Variants in THAP4 observed in about 807,000 individuals in gnomAD.
The protein encoded by THAP4 is peroxynitrite isomerase THAP4.
Under a neutral mutation model 48.1 loss-of-function variants are expected in THAP4, and 18 were observed. That is an observed-to-expected ratio of 0.37 (90% CI 0.26 to 0.56). The LOEUF (loss-of-function observed/expected upper bound fraction) is 0.56. Among genes scored for constraint, THAP4 ranks in the 20% least tolerant of loss-of-function variants. THAP4 has a pLI of 0.78. For missense variants in THAP4, 656 were observed against 774.9 expected (o/e 0.85, Z 1.82); for synonymous variants, 345 against 324.9 (o/e 1.06, Z -0.66).
In THAP4 at chr2:241,603,071, G is replaced by C; in HGVS notation, c.1409C>G (p.Ser470Cys). 1 of 1,613,646 alleles carries C rather than the reference G, an allele frequency of 6.2e-7. No individual in the cohort carries two copies. The highest frequency in any genetic ancestry group is 8.5e-7 in the Non-Finnish European group (1 of 1,179,706). The change falls in exon 4 of 6, where the codon TCC becomes TGC. Residue 470 changes from serine (S) to cysteine (C), a missense_variant. This residue lies in a region of THAP4 where 176 missense variants were observed against 256.7 expected (regional missense o/e 0.69). Transcript: ENST00000407315. ...GQPMLNFSFN[S>C]FHPDTRKPMH... ...CGGCTTGCGCGTGTCCGGGTGGAAG[G>C]AGTTGAACCTGGACGGGAAGTTGGA... is the stretch of plus-strand genomic sequence containing the variant.
Position 241,616,056 on chromosome 2 carries a change from A to G in THAP4, c.1241-9583T>C, listed in dbSNP as rs530894598. On this transcript the variant is annotated intron_variant, in intron 2 of 5. Transcript: ENST00000407315. This position sits in a 1 kb window ranked among gnomAD's most constrained non-coding sequence, Gnocchi z 4.6. The stretch of plus-strand genomic sequence containing the variant: ...ACAAGACGCCTGGGAGAACTCAGTC[A>G]GGGGGCTGGCAAGGACAGGTGAGCA... Among the ~76,000 whole-genome samples the G allele has an allele frequency of 5.3e-4, 80 of 152,322 alleles. No homozygotes were observed. Among genetic ancestry groups the G allele is most frequent in the African/African-American group, 1.6e-3 (67 of 41,580 alleles).
In THAP4 at chr2:241,635,679, A is replaced by C. The variant is rs551675829; in HGVS notation, c.77+1262T>G. Among the ~76,000 whole-genome samples the C allele has an allele frequency of 4.6e-5, 7 of 152,008 alleles. No individual in the cohort carries two copies. The East Asian group carries it at 1.4e-3, about 30-fold the overall frequency. On this transcript the variant is annotated intron_variant, in intron 1 of 5. Coordinates refer to ENST00000407315, the MANE Select transcript of THAP4 (RefSeq NM_015963.6). ...CAGCTACTTGGGAGGCTGAAGCAGG[A>C]GAATAGCTTGAACCCAGGAGCGGGG...
At chr2:241,626,894 G>A (rs908758777) in intron 2 of THAP4, among the ~76,000 whole-genome samples, 1 of 152,166 alleles carries the variant, frequency 6.6e-6, no homozygotes, top group Non-Finnish European at 1.5e-5. Context: ...TTTATATTGT[G>A]AAAAATCTTG....
chr2:241,624,655 G>T (rs557550458), intron 2 of THAP4, among the ~76,000 whole-genome samples: 3 of 152,208 alleles, frequency 2.0e-5, no homozygotes, highest in Non-Finnish European at 4.4e-5. Context: ...CTGTAGTTCT[G>T]AAGTTTTCAT....
chr2:241,589,867 A>G (rs1458495677), intron 5 of THAP4, among the ~76,000 whole-genome samples: 2 of 152,296 alleles, frequency 1.3e-5, no homozygotes, highest in African/African-American at 4.8e-5. Flanking sequence ...TGGCACATGC[A>G]GCAGAACTGC....
At chr2:241,622,855 A>C (rs2067449060) in intron 2 of THAP4, among the ~76,000 whole-genome samples, 1 of 152,128 alleles carries the variant, frequency 6.6e-6, no homozygotes, top group South Asian at 2.1e-4. Flanking sequence ...CTCACACCTC[A>C]GCCTCTCAAA....
intron 1 of THAP4, among the ~76,000 whole-genome samples, chr2:241,636,164 C>T (rs2067647589): frequency 6.6e-6 from 1 of 152,252 alleles, no homozygotes; most frequent in Non-Finnish European, 1.5e-5. Context: ...TGATTTAAGA[C>T]TTACAGCAAA....
At chr2:241,637,337 A>G (rs1389688026), upstream of THAP4, 9 of 1,276,368 alleles carry the variant, frequency 7.1e-6, 1 homozygote, top group Non-Finnish European at 9.0e-6. Context: ...GTACCGCGAC[A>G]TGGGCGCGCC....
chr2:241,608,510 A>G (rs574476861), intron 2 of THAP4, among the ~76,000 whole-genome samples: 78 of 152,170 alleles, frequency 5.1e-4, no homozygotes, highest in African/African-American at 1.9e-3. Flanking sequence ...TTAGACAATA[A>G]GAGAATTTTT....
chr2:241,618,826 GAAA>G (rs142245940), intron 2 of THAP4, among the ~76,000 whole-genome samples: 2 of 145,446 alleles, frequency 1.4e-5, no homozygotes, highest in Non-Finnish European at 3.0e-5. Flanking sequence ...GAAAAGCCAA[GAAA>G]AAAAAAAACA....
intron 2 of THAP4, among the ~76,000 whole-genome samples, chr2:241,611,076 A>C (rs917343808): frequency 6.6e-6 from 1 of 152,072 alleles, no homozygotes; most frequent in African/African-American, 2.4e-5. Flanking sequence ...CACAGATACA[A>C]CCCACAGCCA....
At chr2:241,617,606 C>T (rs1445192056) in intron 2 of THAP4, 15 of 703,742 alleles carry the variant, frequency 2.1e-5, no homozygotes, top group Non-Finnish European at 3.2e-5. Flanking sequence ...AAGACAATGA[C>T]AGCCCAGATC....
At chr2:241,594,825 C>T (rs2067028658) in intron 5 of THAP4, 1 of 173,948 alleles carries the variant, frequency 5.7e-6, no homozygotes, top group Admixed American at 6.0e-5. Flanking sequence ...ATTCGCAGTC[C>T]CAGCTACTGA....
chr2:241,584,993 C>T, intron 5 of THAP4: 1 of 425,842 alleles, frequency 2.3e-6, no homozygotes, highest in South Asian at 2.5e-5. Flanking sequence ...ACCCTGAACG[C>T]ACCTGATCTC....
upstream of THAP4, chr2:241,637,357 C>T (rs1287870293): frequency 1.5e-6 from 2 of 1,348,122 alleles, no homozygotes; most frequent in South Asian, 1.3e-5. Flanking sequence ...CGAGCACGTC[C>T]GTACCGCAAG....
chr2:241,584,772 G>A (rs551909574), intron 5 of THAP4, 47 bp from the exon 6 acceptor site: 1 of 1,612,850 alleles, frequency 6.2e-7, no homozygotes, highest in East Asian at 2.2e-5. Context: ...ATCTTCAAAA[G>A]ATTCAATCAA....
chr2:241,635,450 C>CT (rs1418049434), intron 1 of THAP4, among the ~76,000 whole-genome samples: 3 of 152,218 alleles, frequency 2.0e-5, no homozygotes, highest in Admixed American at 6.5e-5. Flanking sequence ...AAGGCAAACT[C>CT]TGTGTTTAAG....
At chr2:241,591,380 G>A (rs762084048) in intron 5 of THAP4, among the ~76,000 whole-genome samples, 1 of 152,196 alleles carries the variant, frequency 6.6e-6, no homozygotes, top group South Asian at 2.1e-4. Context: ...CTGGCGCAGC[G>A]TTACAAGATT....
At chr2:241,620,494 G>A (rs1467597547) in intron 2 of THAP4, among the ~76,000 whole-genome samples, 1 of 141,938 alleles carries the variant, frequency 7.0e-6, no homozygotes, top group Non-Finnish European at 1.5e-5. Flanking sequence ...TGAGGAGTGA[G>A]TGAGGGGTGA....
Sources: allele counts gnomAD v4.1 joint callset (sites outside exome capture counted in the v4.1 genomes callset), GRCh38; gene constraint gnomAD v4.1.1; regional missense constraint gnomAD v4.1.1; non-coding constraint Gnocchi (gnomAD v3.1); transcripts MANE v1.5; gene names NCBI Gene and HGNC (gene_info 2026-07-23, HGNC 2026-07-21).